RUNX2: variants seen among roughly 807,000 people sequenced by gnomAD.
RUNX2 encodes RUNX family transcription factor 2, also known as runt-related transcription factor 2.
In RUNX2, 10 loss-of-function variants were observed where a neutral mutation model predicts 51.7. That is an observed-to-expected ratio of 0.19 (90% CI 0.12 to 0.33). The LOEUF is 0.33. Among genes scored for constraint, RUNX2 ranks in the 10% least tolerant of loss-of-function variants. The pLI, the probability that RUNX2 is intolerant of heterozygous loss-of-function variation, is 1.00. For synonymous variants in RUNX2, 276 were observed against 273.6 expected (o/e 1.01, Z -0.09); for missense variants, 562 against 691.3 (o/e 0.81, Z 2.10).
chr6:45,514,860 T>C (rs1582194690), intron 7 of RUNX2, among the ~76,000 whole-genome samples: 1 of 152,146 alleles, frequency 6.6e-6, no homozygotes, highest in Non-Finnish European at 1.5e-5. Context: ...CCTCTCAACA[T>C]CTAAACCCAA....
At chr6:45,498,156 T>C (rs1261849072) in intron 6 of RUNX2, among the ~76,000 whole-genome samples, 2 of 152,180 alleles carry the variant, frequency 1.3e-5, no homozygotes, top group Non-Finnish European at 2.9e-5. Context: ...CCAAGTACTC[T>C]TGGGAAGCTG....
At chr6:45,502,600 G>A (rs75748836) in intron 6 of RUNX2, among the ~76,000 whole-genome samples, 46 of 152,196 alleles carry the variant, frequency 3.0e-4, no homozygotes, top group Non-Finnish European at 4.0e-4. Flanking sequence ...CCTCGCCCCC[G>A]TGATCAGCTG....
At chr6:45,425,630 G>GA (rs1798363298) in intron 3 of RUNX2, among the ~76,000 whole-genome samples, 2 of 152,248 alleles carry the variant, frequency 1.3e-5, no homozygotes, top group South Asian at 2.1e-4. Context: ...ACTCTGTTGA[G>GA]AAAAAATGTA....
At chr6:45,493,506 G>T (rs769467657) in intron 6 of RUNX2, among the ~76,000 whole-genome samples, 5 of 151,896 alleles carry the variant, frequency 3.3e-5, no homozygotes, top group Non-Finnish European at 7.4e-5. Context: ...AGATGGGAGA[G>T]TGGGGGGGCG....
intron 6 of RUNX2, among the ~76,000 whole-genome samples, chr6:45,505,746 G>T (rs1056940453): frequency 2.6e-5 from 4 of 152,100 alleles, no homozygotes; most frequent in African/African-American, 4.8e-5. Context: ...ATGTTTTGTG[G>T]TTTATAGGAT....
chr6:45,392,758 T>A (rs1797499410), intron 2 of RUNX2, among the ~76,000 whole-genome samples: 1 of 152,014 alleles, frequency 6.6e-6, no homozygotes, highest in Non-Finnish European at 1.5e-5. Flanking sequence ...AGCTTCCTAG[T>A]CTAAGGTTTA....
chr6:45,524,157 G>C (rs770786626), intron 7 of RUNX2, among the ~76,000 whole-genome samples: 1 of 152,122 alleles, frequency 6.6e-6, no homozygotes, highest in African/African-American at 2.4e-5. Context: ...CTGGAACTGG[G>C]TCAGAATTTA....
chr6:45,548,402 T>A lies in RUNX2; in HGVS notation c.*1097T>A, dbSNP rs1802467826. On this transcript the variant is annotated 3_prime_UTR_variant, in exon 9 of 9. Transcript: ENST00000647337. ...AAAAAATACTTCCATCTCCAAATAT[T>A]TTAGATATAGATTGTTTTTGTGATG... 6.6e-6 allele frequency: 1 copy of A among 152,630 alleles called. No homozygotes were observed. The highest frequency in any genetic ancestry group is 6.5e-5 in the Admixed American group (1 of 15,268). 9.5% of individuals were successfully genotyped at this position (152,630 alleles called of 1,614,324 possible). A position where few individuals can be genotyped will look rare whatever the true frequency, so the allele number is the denominator to read the frequency against.
At chr6:45,392,884 G>A (rs1308825536) in intron 2 of RUNX2, among the ~76,000 whole-genome samples, 1 of 151,862 alleles carries the variant, frequency 6.6e-6, no homozygotes, top group East Asian at 1.9e-4. Flanking sequence ...TTACCCTTTA[G>A]TAATCGGCCC....
At chr6:45,430,746 T>C (rs1182560560) in intron 3 of RUNX2, among the ~76,000 whole-genome samples, 1 of 152,182 alleles carries the variant, frequency 6.6e-6, no homozygotes, top group East Asian at 1.9e-4. Context: ...AGGGGTATTA[T>C]TGTCAGACAG....
rs1801174133 is a variant in RUNX2 at position 45,512,188 on chromosome 6, A to G, written c.860-58A>G. Reference sequence around the variant, plus strand: ...TTTTCCTTTCTGAGTTTTGGGTTGCATGTTTCTAAGGCTGCAATGGTTGCT... The same window carrying G: ...TTTTCCTTTCTGAGTTTTGGGTTGCGTGTTTCTAAGGCTGCAATGGTTGCT... On this transcript the variant is annotated intron_variant, in intron 6 of 8. Transcript: ENST00000647337. The G allele has an allele frequency of 2.5e-6, 4 of 1,573,124 alleles. No homozygotes were observed. In the Admixed American group the frequency reaches 6.7e-5, roughly 26 times the overall value.
intron 5 of RUNX2, among the ~76,000 whole-genome samples, chr6:45,444,546 C>T (rs1176723276): frequency 2.6e-5 from 4 of 152,198 alleles, no homozygotes; most frequent in Admixed American, 2.0e-4. Context: ...GTATAGGGTA[C>T]TGTTGGTATT....
At chr6:45,542,754 G>T (rs1224707033) in intron 7 of RUNX2, among the ~76,000 whole-genome samples, 2 of 152,218 alleles carry the variant, frequency 1.3e-5, no homozygotes, top group Non-Finnish European at 2.9e-5. Flanking sequence ...GTGTGTATGT[G>T]TATGTAGATA....
intron 7 of RUNX2, among the ~76,000 whole-genome samples, chr6:45,528,032 A>T (rs1178656505): frequency 6.6e-6 from 1 of 152,186 alleles, no homozygotes; most frequent in Non-Finnish European, 1.5e-5. Context: ...AGAAAGGCAC[A>T]TCTTACATGG....
chr6:45,334,976 A>G (rs888085281), intron 2 of RUNX2, among the ~76,000 whole-genome samples: 4 of 151,438 alleles, frequency 2.6e-5, no homozygotes, highest in South Asian at 2.1e-4. Context: ...TTAAAAACTG[A>G]TATCAGTTAA....
At chr6:45,381,380 A>G (rs945488931) in intron 2 of RUNX2, among the ~76,000 whole-genome samples, 2 of 152,218 alleles carry the variant, frequency 1.3e-5, no homozygotes, top group Non-Finnish European at 2.9e-5. Flanking sequence ...TGTGCAGAAT[A>G]ATTTCAGCAT....
chr6:45,513,813 C>A lies in RUNX2; in HGVS notation c.1021+1406C>A, dbSNP rs570032014. The stretch of plus-strand genomic sequence containing the variant: ...AGAATTTTAGTTATCATTTCCCTTG[C>A]CTGGGATCACCGTCGCCTTCAGGCA... On this transcript the variant is annotated intron_variant, in intron 7 of 8. Coordinates refer to ENST00000647337, the MANE Select transcript of RUNX2 (RefSeq NM_001024630.4). Among the ~76,000 whole-genome samples, 3 of 152,268 alleles carry A rather than the reference C, an allele frequency of 2.0e-5. No individual in the cohort carries two copies. In the South Asian group the frequency reaches 6.2e-4, roughly 32 times the overall value.
intron 5 of RUNX2, among the ~76,000 whole-genome samples, chr6:45,453,913 A>T (rs554114508): frequency 3.9e-5 from 6 of 152,340 alleles, no homozygotes; most frequent in Admixed American, 2.0e-4. Flanking sequence ...AAAACGCAGG[A>T]TGAACATTCA....
At chr6:45,373,486 G>A (rs552341824) in intron 2 of RUNX2, among the ~76,000 whole-genome samples, 4 of 152,188 alleles carry the variant, frequency 2.6e-5, no homozygotes, top group African/African-American at 7.2e-5. Flanking sequence ...GTTGTTTTCC[G>A]TAGAAAATAT....
Sources: gnomAD v4.1 joint callset for allele counts (sites outside exome capture counted in the v4.1 genomes callset) on GRCh38, gnomAD v4.1.1 for gene constraint, MANE v1.5 for transcripts, NCBI Gene and HGNC (gene_info 2026-07-23, HGNC 2026-07-21) for gene names.